The following UGT1A3 variants were observed in gnomAD, a reference collection of about 807,000 sequenced individuals.
The protein encoded by UGT1A3 is UDP-glucuronosyltransferase 1A3.
A neutral mutation model predicts 41.0 loss-of-function variants in UGT1A3; 31 were observed. That is an observed-to-expected ratio of 0.76 (90% CI 0.57 to 1.02). UGT1A3 has a LOEUF of 1.02. Among genes scored for constraint, UGT1A3 ranks in the 50% least tolerant of loss-of-function variants. The probability of loss-of-function intolerance (pLI) is 0.00; values close to 1 mark genes in which losing one functional copy is unlikely to be tolerated. For missense variants in UGT1A3, 737 were observed against 671.0 expected (o/e 1.10, Z -1.09); for synonymous variants, 262 against 257.6 (o/e 1.02, Z -0.17).
At chr2:233,759,148 C>T (rs958103871) in intron 1 of UGT1A3, among the ~76,000 whole-genome samples, 4 of 152,184 alleles carry the variant, frequency 2.6e-5, no homozygotes, top group African/African-American at 9.7e-5. Context: ...AAGGTGAGTT[C>T]CACAGAACAC....
intron 4 of UGT1A3, chr2:233,771,165 A>T (rs927521180): frequency 6.6e-6 from 1 of 152,234 alleles, no homozygotes; most frequent in African/African-American, 2.4e-5. Context: ...CATCTCCAGC[A>T]CTGGGGATTA....
intron 1 of UGT1A3, among the ~76,000 whole-genome samples, chr2:233,756,694 G>T (rs2125945712): frequency 6.6e-6 from 1 of 152,238 alleles, no homozygotes. Context: ...TAATGACGAT[G>T]AATTTTGGGG....
chr2:233,766,101 A>G (rs1699049254), intron 1 of UGT1A3, among the ~76,000 whole-genome samples: 1 of 152,188 alleles, frequency 6.6e-6, no homozygotes, highest in South Asian at 2.1e-4. Context: ...GGCTTTCTGT[A>G]TCCTGGGGGC....
chr2:233,762,314 C>T (rs548976022), intron 1 of UGT1A3, among the ~76,000 whole-genome samples: 27 of 152,272 alleles, frequency 1.8e-4, no homozygotes, highest in African/African-American at 5.3e-4. Context: ...GTTAATGGGT[C>T]GAGAGTAATC....
In UGT1A3 at chr2:233,729,435, A is replaced by G; in HGVS notation, c.309A>G (p.Thr103=). The change falls in exon 1 of 5, where the codon ACA becomes ACG. Residue 103 remains threonine, a synonymous_variant. Transcript: ENST00000482026. ...GCCACACTCAACTGTACTTTGAAAC[A>G]GAACATTTTCTGAAGAAATTTTTCA... ...VLGHTQLYFE[T]EHFLKKFFRS... 1 of 1,613,958 alleles carries G rather than the reference A, an allele frequency of 6.2e-7. No homozygotes were observed.
At chr2:233,730,406 G>A (rs538447912) in intron 1 of UGT1A3, among the ~76,000 whole-genome samples, 13 of 152,316 alleles carry the variant, frequency 8.5e-5, no homozygotes, top group African/African-American at 3.1e-4. Flanking sequence ...AATTACAATT[G>A]TTGACATGAT....
chr2:233,744,550 CAA>C (rs1194427613), intron 1 of UGT1A3, among the ~76,000 whole-genome samples: 3 of 151,848 alleles, frequency 2.0e-5, no homozygotes, highest in Non-Finnish European at 4.4e-5. Flanking sequence ...TTTATTAAGA[CAA>C]AATGTAGTGA....
chr2:233,766,585 G>A (rs1016585528), intron 1 of UGT1A3, among the ~76,000 whole-genome samples: 22 of 152,180 alleles, frequency 1.4e-4, no homozygotes, highest in African/African-American at 5.3e-4. Flanking sequence ...TGGGGGTGGA[G>A]CCCTCGCCAG....
At chr2:233,732,713 G>A (rs556397438) in intron 1 of UGT1A3, among the ~76,000 whole-genome samples, 41 of 149,102 alleles carry the variant, frequency 2.7e-4, no homozygotes, top group African/African-American at 1.0e-3. Flanking sequence ...CTGTAGCCTT[G>A]TAGTACAGTT....
At chr2:233,746,742 CAAAGCAGAGATT>C (rs1462654911) in intron 1 of UGT1A3, among the ~76,000 whole-genome samples, 1 of 151,752 alleles carries the variant, frequency 6.6e-6, no homozygotes, top group East Asian at 1.9e-4. Context: ...GCTTTGGTTC[CAAAGCAGAGATT>C]AATTGGATTG....
intron 1 of UGT1A3, chr2:233,743,866 C>G (rs1227330853): frequency 7.3e-7 from 1 of 1,367,058 alleles, no homozygotes; most frequent in Non-Finnish European, 9.8e-7. Context: ...TCTTGATGGC[C>G]TCGGATGAGG....
At chr2:233,740,584 T>G (rs1401941870) in intron 1 of UGT1A3, 1 of 151,838 alleles carries the variant, frequency 6.6e-6, no homozygotes, top group Non-Finnish European at 1.5e-5. Flanking sequence ...GGGACCCTAA[T>G]GAAATGGTTA....
intron 1 of UGT1A3, chr2:233,755,812 A>C (rs1456850451): frequency 6.6e-6 from 1 of 152,248 alleles, no homozygotes; most frequent in African/African-American, 2.4e-5. Context: ...ATTAAAACAG[A>C]ATTAAAAAGA....
chr2:233,740,221 TC>T (rs1691341111), intron 1 of UGT1A3, among the ~76,000 whole-genome samples: 1 of 151,864 alleles, frequency 6.6e-6, no homozygotes, highest in Non-Finnish European at 1.5e-5. Flanking sequence ...CTCAGCTGCG[TC>T]TTTATAGCAG....
intron 1 of UGT1A3, chr2:233,747,639 G>A: frequency 6.3e-7 from 1 of 1,582,892 alleles, no homozygotes; most frequent in East Asian, 2.2e-5. Context: ...GCACCTGAAT[G>A]CTACTTCCTT....
chr2:233,732,686 C>A (rs1472057155), intron 1 of UGT1A3, among the ~76,000 whole-genome samples: 1 of 151,722 alleles, frequency 6.6e-6, no homozygotes, highest in African/African-American at 2.4e-5. Flanking sequence ...GGTACCAGCA[C>A]CCATGCTGTT....
chr2:233,747,622 T>G, intron 1 of UGT1A3: 6 of 1,577,576 alleles, frequency 3.8e-6, no homozygotes, highest in Non-Finnish European at 5.2e-6. Context: ...AATGAGGCCC[T>G]GATCAGGCAC....
At position 233,772,278 on chromosome 2, in the gene UGT1A3, A is replaced by G. The variant is rs1289153891; in HGVS notation, c.1324A>G (p.Met442Val). 6.2e-7 allele frequency: 1 copy of G among 1,614,252 alleles called. No homozygotes were observed. Among genetic ancestry groups the G allele is most frequent in the Admixed American group, 1.7e-5 (1 of 60,036 alleles). Residue 442 changes from methionine to valine, a missense_variant, in exon 5 of 5, where the codon ATG becomes GTG. By Grantham distance (21) the Met-to-Val change is conservative. Coordinates refer to ENST00000482026, the MANE Select transcript of UGT1A3 (RefSeq NM_019093.4). Reference sequence around the variant, plus strand: ...TGTGTTTAGTTACAAGGAGAACATCATGCGCCTCTCCAGCCTTCACAAGGA... The same window carrying G: ...TGTGTTTAGTTACAAGGAGAACATCGTGCGCCTCTCCAGCCTTCACAAGGA... ...INDKSYKENI[M>V]RLSSLHKDRP... is the part of the protein sequence containing the mutation.
chr2:233,768,143 G>A lies in UGT1A3; in HGVS notation c.1088-77G>A, dbSNP rs995477416. ...GTGAGTAACACTGAGTCTTTGGAGTGTTTTCAGAACCTAGATGTGTCCAGC... is the reference window on the plus strand; with the variant it reads ...GTGAGTAACACTGAGTCTTTGGAGTATTTTCAGAACCTAGATGTGTCCAGC... On this transcript the variant is annotated intron_variant, in intron 3 of 4. Coordinates refer to ENST00000482026, the MANE Select transcript of UGT1A3 (RefSeq NM_019093.4). 1.6e-5 allele frequency: 26 copies of A among 1,610,468 alleles called. No homozygotes were observed. In the African/African-American group the frequency reaches 3.5e-4, roughly 22 times the overall value.
Sources: gnomAD v4.1 joint callset for allele counts (sites outside exome capture counted in the v4.1 genomes callset) on GRCh38, gnomAD v4.1.1 for gene constraint, MANE v1.5 for transcripts, NCBI Gene and HGNC (gene_info 2026-07-23, HGNC 2026-07-21) for gene names.